The following LGSN variants were observed in gnomAD, a reference collection of about 807,000 sequenced individuals.
LGSN encodes the protein lengsin, lens protein with glutamine synthetase domain.
In LGSN, 21 loss-of-function variants were observed where a neutral mutation model predicts 19.5. That is an observed-to-expected ratio of 1.07 (90% CI 0.76 to 1.55). The LOEUF is 1.55. LGSN is among the 40% of genes most tolerant of loss of function. LGSN has a pLI of 0.00. For synonymous variants in LGSN, 257 were observed against 215.6 expected, an observed-to-expected ratio of 1.19 and a Z score of -1.68; for missense variants, 673 against 608.5, an observed-to-expected ratio of 1.11 and a Z score of -1.12.
intron 3 of LGSN, among the ~76,000 whole-genome samples, chr6:63,284,436 C>A (rs997937142): frequency 6.6e-6 from 1 of 151,992 alleles, no homozygotes; most frequent in African/African-American, 2.4e-5. Context: ...TATATCAATC[C>A]TTAGCAAGTA....
chr6:63,501,590 A>T, the LGSN span, among the ~76,000 whole-genome samples: 1 of 150,788 alleles, frequency 6.6e-6, no homozygotes. Context: ...TCTAATGTGA[A>T]AAAAAAAAAG....
chr6:63,479,997 C>G, the LGSN span: 1 of 152,274 alleles, frequency 6.6e-6, no homozygotes, highest in African/African-American at 2.4e-5. Context: ...TTAGTGGGGG[C>G]CTTTTCTCTA....
chr6:63,521,394 C>T, the LGSN span, among the ~76,000 whole-genome samples: 1 of 152,152 alleles, frequency 6.6e-6, no homozygotes, highest in Non-Finnish European at 1.5e-5. Flanking sequence ...TCTCCCCAAT[C>T]TAATTATTTC....
chr6:63,452,364 T>A, the LGSN span, among the ~76,000 whole-genome samples: 1 of 152,150 alleles, frequency 6.6e-6, no homozygotes, highest in Non-Finnish European at 1.5e-5. Flanking sequence ...TACTCCTGCC[T>A]CAGCCTCTGG....
chr6:63,405,756 A>T, the LGSN span, among the ~76,000 whole-genome samples: 1 of 152,208 alleles, frequency 6.6e-6, no homozygotes, highest in Non-Finnish European at 1.5e-5. Flanking sequence ...GTTAAGACCC[A>T]TCAGTGTGCT....
chr6:63,339,107 G>T, the LGSN span, among the ~76,000 whole-genome samples: 5 of 152,094 alleles, frequency 3.3e-5, no homozygotes, highest in Admixed American at 3.3e-4. Flanking sequence ...AGTCTATCCT[G>T]GAGAATGTTC....
the LGSN span, among the ~76,000 whole-genome samples, chr6:63,533,222 A>C: frequency 3.9e-5 from 6 of 152,304 alleles, no homozygotes; most frequent in East Asian, 1.2e-3. Context: ...TATCTACTAA[A>C]AATACAAAAA....
chr6:63,394,398 A>G, the LGSN span, among the ~76,000 whole-genome samples: 8 of 152,230 alleles, frequency 5.3e-5, no homozygotes, highest in Non-Finnish European at 1.0e-4. Flanking sequence ...TGATGCAATT[A>G]TAATGCATTG....
At chr6:63,497,932 T>C in the LGSN span, among the ~76,000 whole-genome samples, 3 of 149,874 alleles carry the variant, frequency 2.0e-5, no homozygotes, top group Non-Finnish European at 3.0e-5. Flanking sequence ...TTTTTTTTTT[T>C]CTTGAGACAG....
the LGSN span, among the ~76,000 whole-genome samples, chr6:63,470,305 TA>T: frequency 3.3e-5 from 5 of 150,108 alleles, no homozygotes; most frequent in Admixed American, 6.7e-5. Flanking sequence ...CCGTCTCTAC[TA>T]AAAAAAAATA....
the LGSN span, among the ~76,000 whole-genome samples, chr6:63,516,224 C>T: frequency 2.6e-5 from 4 of 152,158 alleles, no homozygotes; most frequent in Non-Finnish European, 5.9e-5. Flanking sequence ...CTAAACCTGT[C>T]ACTAAATTTT....
the LGSN span, chr6:63,440,693 C>T: frequency 6.6e-6 from 1 of 152,228 alleles, no homozygotes; most frequent in Non-Finnish European, 1.5e-5. Flanking sequence ...GCTGAACTGA[C>T]CAGCGGCATT....
chr6:63,376,583 G>A, the LGSN span, among the ~76,000 whole-genome samples: 2 of 152,036 alleles, frequency 1.3e-5, no homozygotes, highest in Admixed American at 6.6e-5. Flanking sequence ...CCTTTTCTGA[G>A]CTTCTAGAAA....
the LGSN span, among the ~76,000 whole-genome samples, chr6:63,533,052 A>C: frequency 6.6e-6 from 1 of 152,190 alleles, no homozygotes; most frequent in Non-Finnish European, 1.5e-5. Context: ...ATCTATAAGC[A>C]TTCATTTTCT....
the LGSN span, among the ~76,000 whole-genome samples, chr6:63,519,968 C>T: frequency 1.3e-5 from 2 of 152,090 alleles, no homozygotes; most frequent in East Asian, 3.9e-4. Flanking sequence ...TAATTTTTAC[C>T]CTGTAACTGT....
At chr6:63,331,352 T>G in the LGSN span, among the ~76,000 whole-genome samples, 56 of 152,320 alleles carry the variant, frequency 3.7e-4, no homozygotes, top group African/African-American at 1.3e-3. Flanking sequence ...TAATTTGTAC[T>G]TCTCTCAGGT....
At chr6:63,506,758 G>T in the LGSN span, among the ~76,000 whole-genome samples, 1 of 152,142 alleles carries the variant, frequency 6.6e-6, no homozygotes, top group Admixed American at 6.6e-5. Context: ...AAGAAAAATG[G>T]TCATAAAAAC....
At chr6:63,482,999 CT>C in the LGSN span, among the ~76,000 whole-genome samples, 1 of 152,160 alleles carries the variant, frequency 6.6e-6, no homozygotes, top group South Asian at 2.1e-4. Flanking sequence ...CCATGCCTGA[CT>C]TATTCTTTCA....
rs116814911 is a variant in LGSN, at chr6:63,310,230, G to A, written c.30+9684C>T. On this transcript the variant is annotated intron_variant, in intron 1 of 3. Coordinates refer to ENST00000370657, the MANE Select transcript of LGSN (RefSeq NM_016571.3). ...GGCCACAACCAAAAATTAACCTGCA[G>A]GGTGGTTTGATGTAGCCATCCATTA... 6.0e-3 allele frequency among the ~76,000 whole-genome samples: 912 copies of A among 152,234 alleles called. 1 individual carries two copies. Among genetic ancestry groups the A allele is most frequent in the African/African-American group, 0.02 (847 of 41,526 alleles).
Sources: allele counts gnomAD v4.1 joint callset (sites outside exome capture counted in the v4.1 genomes callset), GRCh38; gene constraint gnomAD v4.1.1; transcripts MANE v1.5; gene names NCBI Gene and HGNC (gene_info 2026-07-23, HGNC 2026-07-21).